Variants in LPAR1 observed in about 807,000 individuals in gnomAD.
The protein encoded by LPAR1 is lysophosphatidic acid receptor 1, also known as LPA receptor 1.
In LPAR1, 5 loss-of-function variants were observed where a neutral mutation model predicts 23.8. That is an observed-to-expected ratio of 0.21 (90% confidence interval 0.11 to 0.44). The LOEUF (loss-of-function observed/expected upper bound fraction) is 0.44, where lower values mean the gene tolerates loss of function less well. LPAR1 is among the 20% of genes least tolerant of loss of function. The pLI is 0.99. For synonymous variants in LPAR1, 160 were observed against 164.7 expected, an observed-to-expected ratio of 0.97 and a Z score of 0.22; for missense variants, 311 against 482.8, an observed-to-expected ratio of 0.64 and a Z score of 3.33.
At chr9:110,996,274 G>A (rs936536903) in intron 2 of LPAR1, among the ~76,000 whole-genome samples, 6 of 152,216 alleles carry the variant, frequency 3.9e-5, no homozygotes, top group African/African-American at 1.4e-4. Context: ...AGGGAATTCT[G>A]GGCTGGGTGT....
intron 4 of LPAR1, among the ~76,000 whole-genome samples, chr9:110,954,185 T>C (rs2095660540): frequency 6.6e-6 from 1 of 152,064 alleles, no homozygotes; most frequent in Non-Finnish European, 1.5e-5. Context: ...TTCAAAAAGC[T>C]TCAACAACAG....
chr9:110,894,617 A>G (rs2085653570), intron 5 of LPAR1, among the ~76,000 whole-genome samples: 1 of 152,274 alleles, frequency 6.6e-6, no homozygotes, highest in Non-Finnish European at 1.5e-5. Context: ...CCATAGTCAC[A>G]GAGTGACACC....
intron 4 of LPAR1, among the ~76,000 whole-genome samples, chr9:110,952,385 C>T (rs2095596953): frequency 1.3e-5 from 2 of 152,010 alleles, no homozygotes. Context: ...ATGCCAATTC[C>T]CACCTTCCCC....
chr9:110,965,515 G>T (rs999981526), intron 4 of LPAR1, among the ~76,000 whole-genome samples: 4 of 152,076 alleles, frequency 2.6e-5, no homozygotes, highest in African/African-American at 9.7e-5. Flanking sequence ...ACAAACATAT[G>T]AAAAAAAGCT....
chr9:111,037,821 G>T (rs1588983394), intron 1 of LPAR1: 1 of 152,140 alleles, frequency 6.6e-6, no homozygotes, highest in Non-Finnish European at 1.5e-5. Flanking sequence ...GTCACTGGGC[G>T]GGCCCCGGGG....
At chr9:110,951,318 A>G (rs12684908) in intron 4 of LPAR1, among the ~76,000 whole-genome samples, 26,574 of 152,072 alleles carry the variant, frequency 0.17, 3,131 homozygotes, top group East Asian at 0.6. Flanking sequence ...CAAAATTTTA[A>G]GACTTCTGTG....
intron 5 of LPAR1, among the ~76,000 whole-genome samples, chr9:110,911,534 C>T (rs988066062): frequency 1.3e-5 from 2 of 151,094 alleles, no homozygotes; most frequent in Non-Finnish European, 2.9e-5. Flanking sequence ...AGAGGAAGAT[C>T]CTATCTAAAA....
intron 5 of LPAR1, among the ~76,000 whole-genome samples, chr9:110,907,478 G>C (rs898822391): frequency 6.6e-6 from 1 of 152,080 alleles, no homozygotes; most frequent in African/African-American, 2.4e-5. Context: ...CCTGTAAAGG[G>C]AGCATAATCA....
intron 5 of LPAR1, among the ~76,000 whole-genome samples, chr9:110,894,891 C>T (rs1163743778): frequency 6.6e-6 from 1 of 151,294 alleles, no homozygotes; most frequent in Non-Finnish European, 1.5e-5. Context: ...TGCAGTGGTG[C>T]ACACATGTCC....
At chr9:110,917,118 A>T (rs1564458003) in intron 5 of LPAR1, among the ~76,000 whole-genome samples, 1 of 151,302 alleles carries the variant, frequency 6.6e-6, no homozygotes, top group Non-Finnish European at 1.5e-5. Context: ...CGGGTGGATC[A>T]CCTGAGGTCA....
At position 110,942,136 on chromosome 9, in the gene LPAR1, G is replaced by A; in HGVS notation, c.78C>T (p.Tyr26=). The A allele has an allele frequency of 4.3e-6, 7 of 1,613,896 alleles. No individual in the cohort carries two copies. Among genetic ancestry groups the A allele is most frequent in the Non-Finnish European group, 5.9e-6 (7 of 1,179,886 alleles). ...TATAAAAGAAGGCAATGGACTCGTTGTAGAAGCACTGTGGTTCATTCATGG... is the reference window on the plus strand; with the variant it reads ...TATAAAAGAAGGCAATGGACTCGTTATAGAAGCACTGTGGTTCATTCATGG... ...FTAMNEPQCF[Y]NESIAFFYNR... The change falls in exon 5 of 6, where the codon TAC becomes TAT. Residue 26 remains tyrosine, a synonymous_variant. Transcript: ENST00000683809.
At chr9:111,033,435 A>T (rs2097839865) in intron 2 of LPAR1, among the ~76,000 whole-genome samples, 1 of 152,264 alleles carries the variant, frequency 6.6e-6, no homozygotes. Context: ...TAATTTATTA[A>T]ACATGCCAAA....
At chr9:110,911,800 A>C (rs1449788909) in intron 5 of LPAR1, among the ~76,000 whole-genome samples, 1 of 152,166 alleles carries the variant, frequency 6.6e-6, no homozygotes, top group Non-Finnish European at 1.5e-5. Flanking sequence ...TGTGTGACTC[A>C]CTTTATTGCA....
At chr9:111,010,001 ATATATATATATATATATAT>A (rs1297446665) in intron 2 of LPAR1, among the ~76,000 whole-genome samples, 5 of 2,192 alleles carry the variant, frequency 2.3e-3, no homozygotes, top group African/African-American at 5.0e-3. Context: ...TTAGGAAAAT[ATATATATATATATATATAT>A]ATATATATAT....
chr9:111,036,046 A>T (rs1356783436), intron 2 of LPAR1, 76 bp downstream of exon 2: 1 of 152,248 alleles, frequency 6.6e-6, no homozygotes, highest in Non-Finnish European at 1.5e-5. Context: ...CAACAAAAAA[A>T]TCAAATCACT....
intron 4 of LPAR1, among the ~76,000 whole-genome samples, chr9:110,964,927 G>A (rs1017660590): frequency 8.3e-5 from 11 of 133,288 alleles, no homozygotes; most frequent in African/African-American, 2.9e-4. Flanking sequence ...GCAGTAGTGC[G>A]ATCTCGGCTC....
intron 2 of LPAR1, among the ~76,000 whole-genome samples, chr9:110,983,871 G>A (rs1437964220): frequency 6.6e-6 from 1 of 151,938 alleles, no homozygotes; most frequent in Non-Finnish European, 1.5e-5. Context: ...TAAATTTCAA[G>A]ATTTTGTCAG....
At chr9:110,937,504 T>A in intron 5 of LPAR1, among the ~76,000 whole-genome samples, 1 of 152,178 alleles carries the variant, frequency 6.6e-6, no homozygotes, top group East Asian at 1.9e-4. Context: ...TTTTATCAAC[T>A]GGAAAATAAG....
At chr9:110,912,493 T>G (rs1399587555) in intron 5 of LPAR1, among the ~76,000 whole-genome samples, 2 of 152,236 alleles carry the variant, frequency 1.3e-5, no homozygotes, top group South Asian at 2.1e-4. Flanking sequence ...CATTTTTTTC[T>G]TCTAAAAGCA....
Sources: allele counts gnomAD v4.1 joint callset (sites outside exome capture counted in the v4.1 genomes callset), GRCh38; gene constraint gnomAD v4.1.1; transcripts MANE v1.5; gene names NCBI Gene and HGNC (gene_info 2026-07-23, HGNC 2026-07-21).